Variants in TFAP2C observed in about 807,000 individuals in gnomAD.
The protein encoded by TFAP2C is activating enhancer-binding protein 2 gamma.
In TFAP2C, 9 loss-of-function variants were observed where a neutral mutation model predicts 42.9. The observed-to-expected ratio is 0.21, with a 90% confidence interval of 0.13 to 0.37. The LOEUF (loss-of-function observed/expected upper bound fraction) is 0.37. Ranked by LOEUF, TFAP2C falls within the 10% of genes least tolerant of loss-of-function variation. The probability of loss-of-function intolerance (pLI) is 1.00; values close to 1 mark genes in which losing one functional copy is unlikely to be tolerated. For missense variants in TFAP2C, 462 were observed against 591.7 expected, an observed-to-expected ratio of 0.78 and a Z score of 2.27; for synonymous variants, 264 against 256.0, an observed-to-expected ratio of 1.03 and a Z score of -0.30.
At position 56,630,435 on chromosome 20, in the gene TFAP2C, C is replaced by T. The variant is rs1337158058; in HGVS notation, c.49-770C>T. Reference sequence around the variant, plus strand: ...GCATCCTTTAGAAACTGAGTCGGGCCGCCCAGGGGCGAGGGAACGTGCGCG... The same window carrying T: ...GCATCCTTTAGAAACTGAGTCGGGCTGCCCAGGGGCGAGGGAACGTGCGCG... On this transcript the variant is annotated intron_variant, in intron 1 of 6. Coordinates refer to ENST00000201031, the MANE Select transcript of TFAP2C (RefSeq NM_003222.4). This position sits in a 1 kb window ranked among gnomAD's most constrained non-coding sequence, Gnocchi z 5.1. 7.5e-5 allele frequency: 31 copies of T among 411,268 alleles called. No individual in the cohort carries two copies. The highest frequency in any genetic ancestry group is 4.7e-4 in the South Asian group (28 of 59,444). 25.5% of individuals were successfully genotyped at this position (411,268 alleles called of 1,614,324 possible). A position where few individuals can be genotyped will look rare whatever the true frequency, so the allele number is the denominator to read the frequency against.
chr20:56,629,967 G>A lies in TFAP2C; in HGVS notation c.48+375G>A, dbSNP rs899247224. On this transcript the variant is annotated intron_variant, in intron 1 of 6. Transcript: ENST00000201031. This position sits in a 1 kb window ranked among gnomAD's most constrained non-coding sequence, Gnocchi z 5.9. Reference sequence around the variant, plus strand: ...CCAAAGGGGTCAGATGAGGCTACCTGCTAGCGACACCTTGGCGGACACTCC... The same window carrying A: ...CCAAAGGGGTCAGATGAGGCTACCTACTAGCGACACCTTGGCGGACACTCC... Among the ~76,000 whole-genome samples the A allele has an allele frequency of 3.4e-4, 52 of 152,120 alleles. No homozygotes were observed. Among genetic ancestry groups the A allele is most frequent in the African/African-American group, 1.2e-3 (51 of 41,426 alleles).
chr20:56,632,007 AC>A, intron 3 of TFAP2C, 151 bp downstream of exon 3: 1 of 888,376 alleles, frequency 1.1e-6, no homozygotes, highest in Non-Finnish European at 1.8e-6. Context: ...TTTAGGAGTG[AC>A]AGAAAGGGAT....
At chr20:56,635,191 G>A (rs1385832728) in intron 5 of TFAP2C, among the ~76,000 whole-genome samples, 3 of 152,154 alleles carry the variant, frequency 2.0e-5, no homozygotes, top group African/African-American at 4.8e-5. Flanking sequence ...AAGGAGAAAG[G>A]AGCTGCCTGT....
In TFAP2C at chr20:56,631,670, C is replaced by T; in HGVS notation, c.514C>T (p.His172Tyr). Residue 172 changes from histidine (H) to tyrosine (Y), a missense_variant, in exon 2 of 7, where the codon CAC becomes TAC. Around this residue, in one of 5 missense-constraint regions of TFAP2C, gnomAD observed 271 missense variants for 269.7 expected, o/e 1.00. Transcript: ENST00000201031. The surrounding 1 kb of genome is among the most constrained non-coding windows in gnomAD (Gnocchi z 6.1). Reference protein sequence around the residue: ...AENLGLHDMPHQMDEVQNVDD... With the variant: ...AENLGLHDMPYQMDEVQNVDD... ...GAACCTGGGGCTCCACGACATGCCT[C>T]ACCAGATGGACGAGGTGCAGGTGAG... 6.3e-7 allele frequency: 1 copy of T among 1,589,612 alleles called. No individual in the cohort carries two copies. Among genetic ancestry groups the T allele is most frequent in the African/African-American group, 1.3e-5 (1 of 74,588 alleles).
rs1987642515 is a variant in TFAP2C, at chr20:56,639,234, T to C, written c.*1221T>C. ...CCTGTAAATGTTCCCCAAATAATTG[T>C]TGTGTGTATGATACGTGTATAATAA... On this transcript the variant is annotated 3_prime_UTR_variant, in exon 7 of 7. Transcript: ENST00000201031. The C allele has an allele frequency of 6.6e-6, 1 of 152,412 alleles. No individual in the cohort carries two copies. The highest frequency in any genetic ancestry group is 1.5e-5 in the Non-Finnish European group (1 of 68,050). 9.4% of individuals were successfully genotyped at this position (152,412 alleles called of 1,614,324 possible).
Position 56,637,955 on chromosome 20 carries a change from A to T in TFAP2C, c.1295A>T (p.Asp432Val), listed in dbSNP as rs762204012. The change falls in exon 7 of 7, where the codon GAC (aspartate) becomes GTC (valine). Residue 432 changes from aspartate (D) to valine (V), a missense_variant. Transcript: ENST00000201031. Reference protein sequence around the residue: ...VIDKSYMNPGDQSPADSNKTL... With the variant: ...VIDKSYMNPGVQSPADSNKTL... ...GACAAATCCTACATGAACCCTGGAG[A>T]CCAGAGTCCAGCTGATTCTAACAAA... The T allele has an allele frequency of 2.5e-6, 4 of 1,614,096 alleles. No homozygotes were observed. The South Asian group carries it at 4.4e-5, about 18-fold the overall frequency.
rs1040473963 is a variant in TFAP2C at position 56,629,686 on chromosome 20, G to C, written c.48+94G>C. On this transcript the variant is annotated intron_variant, in intron 1 of 6. Transcript: ENST00000201031. The surrounding 1 kb of genome is among the most constrained non-coding windows in gnomAD (Gnocchi z 5.9). ...CGAGGTCGGGGACGAGGGCATAGGA[G>C]CCCTGGCCTCTCGGTGGGACGGGAT... 5.0e-6 allele frequency: 5 copies of C among 997,268 alleles called. No homozygotes were observed. Among genetic ancestry groups the C allele is most frequent in the Non-Finnish European group, 5.4e-6 (4 of 741,936 alleles). The allele number at this position is 997,268 out of a possible 1,614,324, so 61.8% of individuals were successfully genotyped here.
chr20:56,636,451 C>T (rs190563250), intron 5 of TFAP2C, among the ~76,000 whole-genome samples, 159 bp from the exon 6 acceptor site: 34 of 150,642 alleles, frequency 2.3e-4, no homozygotes, highest in Admixed American at 1.2e-3. Context: ...GCTTGAATTC[C>T]GGAGGTGGAG....
At position 56,629,691 on chromosome 20, in the gene TFAP2C, G is replaced by T; in HGVS notation, c.48+99G>T. The T allele has an allele frequency of 1.0e-6, 1 of 953,434 alleles. No individual in the cohort carries two copies. The highest frequency in any genetic ancestry group is 1.4e-6 in the Non-Finnish European group (1 of 703,332). 59.1% of individuals were successfully genotyped at this position (953,434 alleles called of 1,614,324 possible). A position where few individuals can be genotyped will look rare whatever the true frequency, so the allele number is the denominator to read the frequency against. ...TCGGGGACGAGGGCATAGGAGCCCT[G>T]GCCTCTCGGTGGGACGGGATCCACT... On this transcript the variant is annotated intron_variant, in intron 1 of 6. Transcript: ENST00000201031. This position sits in a 1 kb window ranked among gnomAD's most constrained non-coding sequence, Gnocchi z 5.9.
chr20:56,634,558 G>A (rs904683002), intron 5 of TFAP2C, among the ~76,000 whole-genome samples: 5 of 152,134 alleles, frequency 3.3e-5, no homozygotes, highest in Admixed American at 6.5e-5. Context: ...TAGGGGTGTC[G>A]GCATTTCCTG....
chr20:56,637,795 G>C lies in TFAP2C; in HGVS notation c.1135G>C (p.Ala379Pro). Residue 379 changes from alanine to proline, a missense_variant, in exon 7 of 7, where the codon GCC (alanine) becomes CCC (proline). Ala to Pro is a conservative substitution (Grantham distance 27). Coordinates refer to ENST00000201031, the MANE Select transcript of TFAP2C (RefSeq NM_003222.4). ...DRTPHGTSRL[A>P]PVLETNIQNC... ...GACACCCCATGGGACCAGCAGGCTCGCCCCAGTCTTGGAGACGAACATACA... is the reference window on the plus strand; with the variant it reads ...GACACCCCATGGGACCAGCAGGCTCCCCCCAGTCTTGGAGACGAACATACA... The C allele has an allele frequency of 6.2e-7, 1 of 1,614,104 alleles. No homozygotes were observed. Among genetic ancestry groups the C allele is most frequent in the Non-Finnish European group, 8.5e-7 (1 of 1,179,992 alleles).
chr20:56,637,702 A>T (rs1389479182), intron 6 of TFAP2C, 26 bp from the exon 7 acceptor site: 4 of 1,611,184 alleles, frequency 2.5e-6, no homozygotes. Flanking sequence ...GATGGAACTC[A>T]TCGAGTCAAC....
chr20:56,632,677 A>C (rs568220535), intron 3 of TFAP2C, among the ~76,000 whole-genome samples: 1 of 152,330 alleles, frequency 6.6e-6, no homozygotes, highest in East Asian at 1.9e-4. Flanking sequence ...GATCAACTGC[A>C]CTGAAAAATT....
chr20:56,635,462 A>C (rs1023992977), intron 5 of TFAP2C, among the ~76,000 whole-genome samples: 2 of 152,074 alleles, frequency 1.3e-5, no homozygotes, highest in Non-Finnish European at 2.9e-5. Context: ...GGACAGGGAA[A>C]AGGGTGCTCC....
chr20:56,635,593 A>G (rs1987569538), intron 5 of TFAP2C, among the ~76,000 whole-genome samples: 1 of 152,182 alleles, frequency 6.6e-6, no homozygotes, highest in Admixed American at 6.5e-5. Flanking sequence ...TCACCATTTT[A>G]TAGAGAAGTG....
At chr20:56,632,218 T>G (rs1987506650) in intron 3 of TFAP2C, among the ~76,000 whole-genome samples, 1 of 152,260 alleles carries the variant, frequency 6.6e-6, no homozygotes, top group African/African-American at 2.4e-5. Flanking sequence ...TGGTTGGTTC[T>G]GTAACAATTT....
In TFAP2C at chr20:56,638,155, C is replaced by A; in HGVS notation, c.*142C>A. On this transcript the variant is annotated 3_prime_UTR_variant, in exon 7 of 7. Coordinates refer to ENST00000201031, the MANE Select transcript of TFAP2C (RefSeq NM_003222.4). The stretch of plus-strand genomic sequence containing the variant: ...ACTATTTAAAGAGCCTTCACTGGTT[C>A]TGCATCACCCGCCCCTGGACTTCTT... 2 of 712,978 alleles carry A rather than the reference C, an allele frequency of 2.8e-6. No homozygotes were observed. The highest frequency in any genetic ancestry group is 4.5e-6 in the Non-Finnish European group (2 of 439,876). The allele number at this position is 712,978 out of a possible 1,614,324, so 44.2% of individuals were successfully genotyped here. A position where few individuals can be genotyped will look rare whatever the true frequency, so the allele number is the denominator to read the frequency against.
In TFAP2C at chr20:56,631,479, G is replaced by A. The variant is rs1049679168; in HGVS notation, c.323G>A (p.Ser108Asn). 3 of 1,528,900 alleles carry A rather than the reference G, an allele frequency of 2.0e-6. No individual in the cohort carries two copies. Among genetic ancestry groups the A allele is most frequent in the South Asian group, 1.2e-5 (1 of 80,746 alleles). The allele number at this position is 1,528,900 out of a possible 1,614,324, so 94.7% of individuals were successfully genotyped here. A position where few individuals can be genotyped will look rare whatever the true frequency, so the allele number is the denominator to read the frequency against. ...CAGCAGGCCTGGCCCGGCCGCCAGA[G>A]CCAGGAGGGAGCGGGGCTGCCCTCG... ...SQQQAWPGRQ[S>N]QEGAGLPSHH... is the part of the protein sequence containing the mutation. Residue 108 changes from serine (S) to asparagine (N), a missense_variant, in exon 2 of 7, where the codon AGC becomes AAC. Transcript: ENST00000201031. The surrounding 1 kb of genome is among the most constrained non-coding windows in gnomAD (Gnocchi z 6.1).
intron 4 of TFAP2C, 56 bp from the exon 5 acceptor site, chr20:56,634,094 G>T: frequency 8.6e-7 from 1 of 1,169,328 alleles, no homozygotes; most frequent in Non-Finnish European, 1.3e-6. Context: ...TAAAGTGTGC[G>T]TGTGTATGTG....
Sources: gnomAD v4.1 joint callset for allele counts (sites outside exome capture counted in the v4.1 genomes callset) on GRCh38, gnomAD v4.1.1 for gene constraint, gnomAD v4.1.1 regional missense constraint, Gnocchi (gnomAD v3.1) non-coding constraint, MANE v1.5 for transcripts, NCBI Gene and HGNC (gene_info 2026-07-23, HGNC 2026-07-21) for gene names.